TENM2: variants seen among roughly 807,000 people sequenced by gnomAD.
TENM2 encodes teneurin transmembrane protein 2.
In TENM2, 52 loss-of-function variants were observed where a neutral mutation model predicts 245.2. The ratio of observed to expected loss-of-function variants is 0.21; its 90% CI spans 0.17 to 0.27. TENM2 has a LOEUF of 0.27. TENM2 is among the 10% of genes least tolerant of loss of function. The probability of loss-of-function intolerance (pLI) is 1.00; values close to 1 mark genes in which losing one functional copy is unlikely to be tolerated. For synonymous variants in TENM2, 1,363 were observed against 1,438.9 expected, an observed-to-expected ratio of 0.95 and a Z score of 1.19; for missense variants, 3,046 against 3,666.8, an observed-to-expected ratio of 0.83 and a Z score of 4.37.
At chr5:168,016,420 T>A (rs546078138) in intron 5 of TENM2, among the ~76,000 whole-genome samples, 1 of 152,392 alleles carries the variant, frequency 6.6e-6, no homozygotes, top group African/African-American at 2.4e-5. Context: ...AGTGAGTTCC[T>A]GCAACATTTC....
At chr5:167,089,647 A>G in the TENM2 span, among the ~76,000 whole-genome samples, 7 of 152,176 alleles carry the variant, frequency 4.6e-5, no homozygotes, top group Non-Finnish European at 7.3e-5. Context: ...ATTGTGGCAG[A>G]TATTGAACAG....
chr5:168,227,985 C>T (rs1375942378), exon 25 of TENM2: 3 of 1,613,766 alleles, frequency 1.9e-6, no homozygotes, highest in East Asian at 2.2e-5. Context: ...CACAGCGAGC[C>T]CCATGTCCTA....
intron 2 of TENM2, among the ~76,000 whole-genome samples, chr5:167,598,112 A>G (rs1009413822): frequency 1.3e-5 from 2 of 152,218 alleles, no homozygotes; most frequent in Non-Finnish European, 2.9e-5. Context: ...CATGGACATC[A>G]TATGTGAGCC....
At chr5:167,008,519 G>A in the TENM2 span, among the ~76,000 whole-genome samples, 4 of 152,120 alleles carry the variant, frequency 2.6e-5, no homozygotes, top group Admixed American at 2.0e-4. Context: ...CAAAATGCAG[G>A]ACACTTGAGT....
At chr5:167,925,780 A>T (rs1777711170) in intron 3 of TENM2, among the ~76,000 whole-genome samples, 2 of 152,240 alleles carry the variant, frequency 1.3e-5, no homozygotes, top group South Asian at 4.1e-4. Flanking sequence ...CGCCATGAGA[A>T]GTACAAGATC....
intron 12 of TENM2, among the ~76,000 whole-genome samples, chr5:168,148,933 C>T (rs1310867442): frequency 6.7e-6 from 1 of 149,680 alleles, no homozygotes; most frequent in Non-Finnish European, 1.5e-5. Context: ...ATAGATAGCA[C>T]AAGCTTTTTA....
chr5:168,046,185 G>A (rs769156068), intron 5 of TENM2, among the ~76,000 whole-genome samples: 2 of 152,170 alleles, frequency 1.3e-5, no homozygotes, highest in Non-Finnish European at 2.9e-5. Flanking sequence ...CTGACTTTAC[G>A]TGGTGGTAGG....
intron 3 of TENM2, among the ~76,000 whole-genome samples, chr5:167,901,830 C>T (rs1489187951): frequency 6.6e-6 from 1 of 152,038 alleles, no homozygotes; most frequent in Admixed American, 6.6e-5. Flanking sequence ...TAAATAGATC[C>T]TCTTTATATA....
At chr5:167,535,809 G>A (rs868444204) in intron 2 of TENM2, among the ~76,000 whole-genome samples, 22 of 152,278 alleles carry the variant, frequency 1.4e-4, no homozygotes, top group Admixed American at 3.3e-4. Flanking sequence ...TTAGTCTCAG[G>A]TATTTTGTTA....
At chr5:167,307,406 A>G (rs897253555) in intron 1 of TENM2, among the ~76,000 whole-genome samples, 7 of 152,146 alleles carry the variant, frequency 4.6e-5, no homozygotes, top group Non-Finnish European at 1.0e-4. Flanking sequence ...AAAGGGAGGG[A>G]TACAAATGGT....
At chr5:167,368,644 G>A (rs566260203) in intron 1 of TENM2, among the ~76,000 whole-genome samples, 1 of 152,244 alleles carries the variant, frequency 6.6e-6, no homozygotes, top group South Asian at 2.1e-4. Flanking sequence ...GAGCCGATGG[G>A]AATAGTGGGA....
intron 2 of TENM2, among the ~76,000 whole-genome samples, chr5:167,392,417 A>G (rs1761810872): frequency 6.6e-6 from 1 of 152,170 alleles, no homozygotes; most frequent in Non-Finnish European, 1.5e-5. Context: ...GGTCTGCATG[A>G]TGCCATCCAC....
At chr5:167,269,331 G>T in the TENM2 span, among the ~76,000 whole-genome samples, 1 of 152,048 alleles carries the variant, frequency 6.6e-6, no homozygotes, top group Admixed American at 6.6e-5. Context: ...TTTAATGCTG[G>T]GTTCTGTGCC....
At chr5:168,092,564 A>G (rs552866633) in intron 8 of TENM2, among the ~76,000 whole-genome samples, 37 of 152,352 alleles carry the variant, frequency 2.4e-4, no homozygotes, top group African/African-American at 8.4e-4. Context: ...AATGAAAGTC[A>G]GTGGAGAAGC....
At chr5:167,490,571 CAG>C (rs2127542015) in intron 2 of TENM2, among the ~76,000 whole-genome samples, 1 of 152,142 alleles carries the variant, frequency 6.6e-6, no homozygotes, top group Non-Finnish European at 1.5e-5. Flanking sequence ...ATATGGTACA[CAG>C]ATCTCTGGAA....
intron 2 of TENM2, among the ~76,000 whole-genome samples, chr5:167,602,168 G>T (rs917905035): frequency 1.1e-4 from 17 of 152,114 alleles, no homozygotes; most frequent in Admixed American, 1.1e-3. Flanking sequence ...TCCCCTGCAG[G>T]TTTGTAGTAC....
chr5:167,836,483 A>G (rs553964998), intron 2 of TENM2, among the ~76,000 whole-genome samples: 6 of 152,312 alleles, frequency 3.9e-5, no homozygotes, highest in Middle Eastern at 6.8e-3. Context: ...CCATCCAACT[A>G]TGGAATAATA....
At chr5:167,868,222 C>A (rs981983267) in intron 2 of TENM2, among the ~76,000 whole-genome samples, 2 of 152,108 alleles carry the variant, frequency 1.3e-5, no homozygotes, top group Non-Finnish European at 2.9e-5. Context: ...GCCAGTAGCA[C>A]CCCAACCAAA....
chr5:167,114,377 G>A, the TENM2 span, among the ~76,000 whole-genome samples: 1 of 152,038 alleles, frequency 6.6e-6, no homozygotes, highest in Non-Finnish European at 1.5e-5. Context: ...GTGAAAAATC[G>A]GAAAGAGTTA....
Sources: allele counts gnomAD v4.1 joint callset (sites outside exome capture counted in the v4.1 genomes callset), GRCh38; gene constraint gnomAD v4.1.1; transcripts MANE v1.5; gene names NCBI Gene and HGNC (gene_info 2026-07-23, HGNC 2026-07-21).